HIPK2: variants seen among roughly 807,000 people sequenced by gnomAD.
The protein encoded by HIPK2 is homeodomain-interacting protein kinase 2.
A neutral mutation model predicts 113.7 loss-of-function variants in HIPK2; 27 were observed. The ratio of observed to expected loss-of-function variants is 0.24; its 90% CI spans 0.17 to 0.33. HIPK2 has a LOEUF of 0.33. HIPK2 is among the 10% of genes least tolerant of loss of function. The pLI is 1.00. For missense variants in HIPK2, 1,257 were observed against 1,588.0 expected, an observed-to-expected ratio of 0.79 and a Z score of 3.54; for synonymous variants, 631 against 642.2, an observed-to-expected ratio of 0.98 and a Z score of 0.26.
At chr7:139,581,384 C>T (rs1798664482) in intron 13 of HIPK2, among the ~76,000 whole-genome samples, 1 of 152,222 alleles carries the variant, frequency 6.6e-6, no homozygotes, top group African/African-American at 2.4e-5. Context: ...GGGGTTCTGG[C>T]TCCTGCCCTG....
intron 1 of HIPK2, among the ~76,000 whole-genome samples, chr7:139,731,065 C>A (rs1490058127): frequency 6.6e-6 from 1 of 152,178 alleles, no homozygotes; most frequent in African/African-American, 2.4e-5. Context: ...TTGTTTTAGG[C>A]CACCTATTAA....
At chr7:139,759,037 GA>G (rs1217222007) in intron 1 of HIPK2, among the ~76,000 whole-genome samples, 1 of 151,334 alleles carries the variant, frequency 6.6e-6, no homozygotes, top group African/African-American at 2.4e-5. Context: ...TGATCAACTG[GA>G]AAAAAAATGC....
intron 1 of HIPK2, among the ~76,000 whole-genome samples, chr7:139,735,633 T>C (rs563523600): frequency 6.6e-6 from 1 of 152,220 alleles, no homozygotes; most frequent in South Asian, 2.1e-4. Context: ...GGAGAAGAGA[T>C]AACTGACCAC....
rs1797999252 is a variant in HIPK2, at chr7:139,563,292, G to A, written c.*9635C>T. On this transcript the variant is annotated 3_prime_UTR_variant, in exon 15 of 15. Transcript: ENST00000406875. ...CCCCTTCAGCCCAGCAGGCGACTCT[G>A]ACAGGGAGGTGTGACCACCAGTCTC... 6.5e-6 allele frequency: 1 copy of A among 152,868 alleles called. No homozygotes were observed. Among genetic ancestry groups the A allele is most frequent in the South Asian group, 2.1e-4 (1 of 4,832 alleles). The allele number at this position is 152,868 out of a possible 1,614,324, so 9.5% of individuals were successfully genotyped here. A position where few individuals can be genotyped will look rare whatever the true frequency, so the allele number is the denominator to read the frequency against.
intron 12 of HIPK2, among the ~76,000 whole-genome samples, chr7:139,589,312 T>C (rs1798938748): frequency 6.6e-6 from 1 of 152,134 alleles, no homozygotes. Context: ...GAGATCCTTT[T>C]AGCAGATGTA....
chr7:139,687,995 C>G (rs1047400768), intron 2 of HIPK2, among the ~76,000 whole-genome samples: 141 of 152,208 alleles, frequency 9.3e-4, no homozygotes, highest in Admixed American at 9.2e-3. Flanking sequence ...TTGAGCACAT[C>G]CAGGGATAAG....
intron 1 of HIPK2, among the ~76,000 whole-genome samples, chr7:139,741,540 T>C (rs1226274539): frequency 6.6e-6 from 1 of 152,196 alleles, no homozygotes; most frequent in Non-Finnish European, 1.5e-5. Flanking sequence ...TTTGACGCGG[T>C]GGGGATGCAG....
intron 2 of HIPK2, among the ~76,000 whole-genome samples, chr7:139,690,922 G>A (rs921119946): frequency 6.6e-6 from 1 of 152,106 alleles, no homozygotes; most frequent in African/African-American, 2.4e-5. Context: ...CAACACTAAA[G>A]GGACTCAGAC....
chr7:139,699,850 G>C (rs1794659150), intron 2 of HIPK2, among the ~76,000 whole-genome samples: 1 of 152,210 alleles, frequency 6.6e-6, no homozygotes, highest in Admixed American at 6.5e-5. Context: ...TGAATGCACA[G>C]ATGTGCCCTC....
intron 13 of HIPK2, among the ~76,000 whole-genome samples, chr7:139,580,264 C>T (rs76372251): frequency 0.025 from 3,867 of 152,030 alleles, 77 homozygotes; most frequent in Non-Finnish European, 0.04. Context: ...ACACTGAGCT[C>T]GAGGGATCAG....
chr7:139,608,682 T>C (rs1429682103), intron 9 of HIPK2, among the ~76,000 whole-genome samples: 2 of 152,092 alleles, frequency 1.3e-5, no homozygotes, highest in Non-Finnish European at 2.9e-5. Context: ...CTATTCAGGA[T>C]CAGGCATTGG....
chr7:139,667,246 C>A (rs894022030), intron 2 of HIPK2, among the ~76,000 whole-genome samples: 1 of 152,084 alleles, frequency 6.6e-6, no homozygotes. Flanking sequence ...TCAAGTCCAC[C>A]AATTATTAAT....
In HIPK2 at chr7:139,647,557, G is replaced by C. The variant is rs151144566; in HGVS notation, c.1104-15832C>G. On this transcript the variant is annotated intron_variant, in intron 2 of 14. Coordinates refer to ENST00000406875, the MANE Select transcript of HIPK2 (RefSeq NM_022740.5). ...AAAGCTCCACTTTTTAATAGGAGAA[G>C]CTTGACATAGGGAGTTTGTATCTAT... Among the ~76,000 whole-genome samples the C allele has an allele frequency of 1.4e-4, 21 of 152,270 alleles. No homozygotes were observed. The East Asian group carries it at 4.1e-3, about 29-fold the overall frequency.
At chr7:139,701,929 G>A (rs1794720599) in intron 2 of HIPK2, among the ~76,000 whole-genome samples, 3 of 152,134 alleles carry the variant, frequency 2.0e-5, no homozygotes, top group Admixed American at 6.5e-5. Flanking sequence ...AGGCCACATC[G>A]GGAGAGAGTG....
chr7:139,694,641 C>T (rs1479829653), intron 2 of HIPK2, among the ~76,000 whole-genome samples: 2 of 152,078 alleles, frequency 1.3e-5, no homozygotes, highest in Admixed American at 6.5e-5. Context: ...CATTCCTGTG[C>T]GCATGGTCCA....
rs1027983814 is a variant in HIPK2 at position 139,630,205 on chromosome 7, G to A, written c.1347+960C>T. On this transcript the variant is annotated intron_variant, in intron 4 of 14. Coordinates refer to ENST00000406875, the MANE Select transcript of HIPK2 (RefSeq NM_022740.5). This position sits in a 1 kb window ranked among gnomAD's most constrained non-coding sequence, Gnocchi z 4.0. ...ACAGATCAAAGTGAAAGCAAACTAT[G>A]TTTCTGTTAAAGTGAAGCCCCTGCC... Among the ~76,000 whole-genome samples, 4 of 152,114 alleles carry A rather than the reference G, an allele frequency of 2.6e-5. No homozygotes were observed. The highest frequency in any genetic ancestry group is 9.7e-5 in the African/African-American group (4 of 41,408).
At chr7:139,663,456 C>T (rs1210363086) in intron 2 of HIPK2, among the ~76,000 whole-genome samples, 1 of 152,116 alleles carries the variant, frequency 6.6e-6, no homozygotes, top group Admixed American at 6.5e-5. Flanking sequence ...ACTGTCCTGA[C>T]GTTCGGATAT....
At chr7:139,762,795 C>T (rs1283273179) in intron 1 of HIPK2, among the ~76,000 whole-genome samples, 2 of 152,188 alleles carry the variant, frequency 1.3e-5, no homozygotes, top group African/African-American at 4.8e-5. Context: ...CAGAGACAAC[C>T]ACAGATGGGT....
At chr7:139,620,645 G>A in intron 6 of HIPK2, 82 bp from the exon 7 acceptor site, 1 of 1,527,940 alleles carries the variant, frequency 6.5e-7, no homozygotes, top group Non-Finnish European at 8.9e-7. Context: ...AGAAAACAAA[G>A]GAAAGGAGAG....
Sources: gnomAD v4.1 joint callset for allele counts (sites outside exome capture counted in the v4.1 genomes callset) on GRCh38, gnomAD v4.1.1 for gene constraint, Gnocchi (gnomAD v3.1) non-coding constraint, MANE v1.5 for transcripts, NCBI Gene and HGNC (gene_info 2026-07-23, HGNC 2026-07-21) for gene names.